Variants in PUM2 observed in about 807,000 individuals in gnomAD.
PUM2 encodes pumilio homolog 2.
PUM2 carries 57 observed loss-of-function variants against 124.5 expected under a neutral mutation model. That is an observed-to-expected ratio of 0.46 (90% CI 0.37 to 0.57). The LOEUF is 0.57. Among genes scored for constraint, PUM2 ranks in the 20% least tolerant of loss-of-function variants. The pLI is 0.00. For missense variants in PUM2, 1,065 were observed against 1,290.6 expected, an observed-to-expected ratio of 0.83 and a Z score of 2.68; for synonymous variants, 460 against 446.1, an observed-to-expected ratio of 1.03 and a Z score of -0.39.
intron 17 of PUM2, 47 bp from the exon 18 acceptor site, chr2:20,255,388 G>T: frequency 2.6e-6 from 4 of 1,558,336 alleles, no homozygotes; most frequent in South Asian, 1.1e-5. Flanking sequence ...TGACATTTTT[G>T]AACAGTTCTA....
intron 1 of PUM2, among the ~76,000 whole-genome samples, chr2:20,344,292 G>A (rs1358055389): frequency 6.6e-6 from 1 of 152,110 alleles, no homozygotes; most frequent in Non-Finnish European, 1.5e-5. Flanking sequence ...GGTCTCAAAT[G>A]CCTGAGCTCA....
chr2:20,345,786 C>T (rs1344436545), intron 1 of PUM2, among the ~76,000 whole-genome samples: 3 of 152,110 alleles, frequency 2.0e-5, no homozygotes, highest in Non-Finnish European at 2.9e-5. Context: ...GCAGGAGAAT[C>T]GGTTGAACCT....
intron 2 of PUM2, among the ~76,000 whole-genome samples, chr2:20,323,320 C>T (rs1363180926): frequency 6.6e-6 from 1 of 151,866 alleles, no homozygotes; most frequent in South Asian, 2.1e-4. Flanking sequence ...TAGTGGCACA[C>T]GCCTGCGGTC....
chr2:20,294,080 G>A (rs1016770787), intron 9 of PUM2, among the ~76,000 whole-genome samples: 7 of 152,048 alleles, frequency 4.6e-5, no homozygotes, highest in African/African-American at 1.7e-4. Context: ...TATTTTGATA[G>A]GAACATTATT....
At chr2:20,297,223 G>A (rs1388397844) in intron 8 of PUM2, among the ~76,000 whole-genome samples, 32 of 152,190 alleles carry the variant, frequency 2.1e-4, no homozygotes. Flanking sequence ...TTTATTTTCT[G>A]AGAAGTAATT....
chr2:20,263,767 A>G (rs541911358), intron 13 of PUM2, among the ~76,000 whole-genome samples: 88 of 152,328 alleles, frequency 5.8e-4, no homozygotes, highest in Non-Finnish European at 9.3e-4. Context: ...CACTGAAACT[A>G]CCAACAAAAT....
At chr2:20,342,488 T>C (rs938077454) in intron 1 of PUM2, among the ~76,000 whole-genome samples, 1 of 152,226 alleles carries the variant, frequency 6.6e-6, no homozygotes. Context: ...AACTTTTCTG[T>C]AAATGTTAAC....
chr2:20,333,519 G>GCAA (rs555891761), intron 1 of PUM2, among the ~76,000 whole-genome samples: 8 of 151,722 alleles, frequency 5.3e-5, no homozygotes, highest in South Asian at 2.1e-4. Flanking sequence ...AAAAAGAAAA[G>GCAA]CAACAACAAC....
chr2:20,256,388 T>C (rs566841014), intron 16 of PUM2, among the ~76,000 whole-genome samples: 4 of 152,262 alleles, frequency 2.6e-5, no homozygotes, highest in African/African-American at 4.8e-5. Context: ...GCAGAAACCA[T>C]TGAAAAGTGA....
intron 7 of PUM2, among the ~76,000 whole-genome samples, chr2:20,306,573 G>A (rs1413665480): frequency 6.6e-6 from 1 of 150,846 alleles, no homozygotes; most frequent in African/African-American, 2.4e-5. Flanking sequence ...CAGAGTACAT[G>A]CTGCGACTGG....
At position 20,300,679 on chromosome 2, in the gene PUM2, T is replaced by C. The variant is rs189873565; in HGVS notation, c.884-3001A>G. 2.2e-3 allele frequency among the ~76,000 whole-genome samples: 332 copies of C among 149,134 alleles called. 1 individual carries two copies. Among genetic ancestry groups the C allele is most frequent in the Admixed American group, 3.6e-3 (54 of 14,852 alleles). On this transcript the variant is annotated intron_variant, in intron 7 of 20. Coordinates refer to ENST00000361078, the MANE Select transcript of PUM2 (RefSeq NM_015317.5). ...CTCAGGTTAGTGAAAGGAAAATAAA[T>C]CTCCCGAAAATCACCAAGCCAAAAA...
intron 17 of PUM2, 33 bp downstream of exon 17, chr2:20,256,000 G>A: frequency 8.0e-6 from 12 of 1,503,636 alleles, no homozygotes; most frequent in Non-Finnish European, 1.1e-5. Context: ...ATAATGCCCT[G>A]CTAACAAATT....
chr2:20,265,192 C>A (rs1667355144), intron 13 of PUM2, among the ~76,000 whole-genome samples: 2 of 149,564 alleles, frequency 1.3e-5, no homozygotes, highest in South Asian at 4.2e-4. Flanking sequence ...ACGGAGGTTG[C>A]AGTGAGCAGA....
intron 1 of PUM2, 117 bp downstream of exon 1, chr2:20,350,480 G>A (rs1339107048): frequency 2.0e-6 from 2 of 985,250 alleles, no homozygotes; most frequent in Non-Finnish European, 2.4e-6. Flanking sequence ...CACTCAGCAG[G>A]CCCTATCCGC....
chr2:20,290,303 G>A (rs987791718), intron 10 of PUM2, among the ~76,000 whole-genome samples: 7 of 152,152 alleles, frequency 4.6e-5, no homozygotes, highest in African/African-American at 9.7e-5. Context: ...TATAAAGCAG[G>A]AGTGGCAAAT....
chr2:20,313,833 C>A, intron 3 of PUM2, among the ~76,000 whole-genome samples: 1 of 55,622 alleles, frequency 1.8e-5, no homozygotes. Flanking sequence ...GAGATCCTGT[C>A]TCAAAAAAAA....
chr2:20,349,071 G>T (rs1016548267), intron 1 of PUM2, among the ~76,000 whole-genome samples: 2 of 152,226 alleles, frequency 1.3e-5, no homozygotes, highest in African/African-American at 2.4e-5. Context: ...CAAAGTAAAT[G>T]TCAGTAATTA....
intron 5 of PUM2, among the ~76,000 whole-genome samples, chr2:20,310,885 A>C (rs1431500596): frequency 6.6e-6 from 1 of 152,046 alleles, no homozygotes; most frequent in Non-Finnish European, 1.5e-5. Flanking sequence ...AGGCTAAAGT[A>C]CTCATTTAAC....
intron 7 of PUM2, among the ~76,000 whole-genome samples, chr2:20,303,645 C>T (rs1315372583): frequency 2.0e-5 from 3 of 152,182 alleles, no homozygotes; most frequent in Admixed American, 6.5e-5. Flanking sequence ...TACTCCCTAA[C>T]TCATTCCATA....
Sources: allele counts gnomAD v4.1 joint callset (sites outside exome capture counted in the v4.1 genomes callset), GRCh38; gene constraint gnomAD v4.1.1; transcripts MANE v1.5; gene names NCBI Gene and HGNC (gene_info 2026-07-23, HGNC 2026-07-21).